Variants in CENPW observed in about 807,000 individuals in gnomAD.
CENPW encodes the protein centromere protein W.
A neutral mutation model predicts 11.1 loss-of-function variants in CENPW; 3 were observed. The ratio of observed to expected loss-of-function variants is 0.27; its 90% CI spans 0.12 to 0.70. The LOEUF is 0.70. Among genes scored for constraint, CENPW ranks in the 30% least tolerant of loss-of-function variants. The pLI is 0.77. For missense variants in CENPW, 100 were observed against 105.6 expected, an observed-to-expected ratio of 0.95 and a Z score of 0.23; for synonymous variants, 38 against 42.0, an observed-to-expected ratio of 0.91 and a Z score of 0.37.
At chr6:126,409,836 T>C in the CENPW span, among the ~76,000 whole-genome samples, 1 of 151,906 alleles carries the variant, frequency 6.6e-6, no homozygotes, top group Admixed American at 6.6e-5. Context: ...AAGTAGCATA[T>C]AGTTGGGTCA....
the CENPW span, among the ~76,000 whole-genome samples, chr6:126,374,464 G>GCA: frequency 6.6e-6 from 1 of 152,132 alleles, no homozygotes; most frequent in Non-Finnish European, 1.5e-5. Context: ...GACTAAACCA[G>GCA]CATGTTATTT....
intron 1 of CENPW, among the ~76,000 whole-genome samples, chr6:126,340,836 GGCCTCCCTTCTT>G (rs1043621661): frequency 2.0e-5 from 3 of 151,942 alleles, no homozygotes; most frequent in African/African-American, 7.3e-5. Flanking sequence ...GCCTTTTAAG[GGCCTCCCTTCTT>G]GCCTCCCTCC....
At chr6:126,355,584 C>G in the CENPW span, among the ~76,000 whole-genome samples, 2 of 151,990 alleles carry the variant, frequency 1.3e-5, no homozygotes, top group Non-Finnish European at 2.9e-5. Context: ...CTGTGTTATA[C>G]TGATATTTTA....
chr6:126,472,859 T>G, the CENPW span, among the ~76,000 whole-genome samples: 1 of 152,320 alleles, frequency 6.6e-6, no homozygotes, highest in East Asian at 1.9e-4. Flanking sequence ...CAATGTTATC[T>G]CTTCATGATT....
the CENPW span, among the ~76,000 whole-genome samples, chr6:126,414,268 A>G: frequency 6.6e-6 from 1 of 152,080 alleles, no homozygotes; most frequent in East Asian, 1.9e-4. Flanking sequence ...TAGAAACAAA[A>G]TCCACAATGA....
the CENPW span, among the ~76,000 whole-genome samples, chr6:126,472,004 A>G: frequency 6.6e-6 from 1 of 152,206 alleles, no homozygotes; most frequent in African/African-American, 2.4e-5. Flanking sequence ...TCATTTTAAA[A>G]TAACTATTAA....
At chr6:126,398,850 C>T in the CENPW span, among the ~76,000 whole-genome samples, 107 of 151,460 alleles carry the variant, frequency 7.1e-4, no homozygotes, top group African/African-American at 2.4e-3. Context: ...TGTCTATTGT[C>T]CCCATCTTTA....
the CENPW span, among the ~76,000 whole-genome samples, chr6:126,360,623 T>A: frequency 1.4e-4 from 21 of 152,222 alleles, no homozygotes; most frequent in African/African-American, 4.1e-4. Context: ...TTAATTTTTT[T>A]AAAAATTATT....
the CENPW span, among the ~76,000 whole-genome samples, chr6:126,363,579 ACT>A: frequency 2.0e-5 from 3 of 151,960 alleles, no homozygotes; most frequent in South Asian, 6.2e-4. Context: ...ACTACCCATG[ACT>A]CTGTTATGTT....
At chr6:126,409,529 A>G in the CENPW span, among the ~76,000 whole-genome samples, 1 of 152,050 alleles carries the variant, frequency 6.6e-6, no homozygotes, top group Non-Finnish European at 1.5e-5. Flanking sequence ...GTATCAAACT[A>G]CTAATGGAGA....
chr6:126,479,144 A>C, the CENPW span, among the ~76,000 whole-genome samples: 1 of 151,978 alleles, frequency 6.6e-6, no homozygotes, highest in African/African-American at 2.4e-5. Context: ...CTAGGGAACT[A>C]TAGTCTGTTC....
the CENPW span, among the ~76,000 whole-genome samples, chr6:126,419,107 A>T: frequency 6.6e-6 from 1 of 152,172 alleles, no homozygotes; most frequent in South Asian, 2.1e-4. Flanking sequence ...TTTTAAAAAG[A>T]TAATCAAATT....
At chr6:126,386,450 A>G in the CENPW span, among the ~76,000 whole-genome samples, 1 of 152,078 alleles carries the variant, frequency 6.6e-6, no homozygotes, top group Non-Finnish European at 1.5e-5. Context: ...GCCCAGTACT[A>G]TTTAACTATA....
chr6:126,389,468 G>A, the CENPW span, among the ~76,000 whole-genome samples: 1 of 151,846 alleles, frequency 6.6e-6, no homozygotes, highest in Non-Finnish European at 1.5e-5. Flanking sequence ...CTAGAGAGAA[G>A]AATCCTTTTC....
At chr6:126,340,471 T>G in intron 1 of CENPW, 72 bp downstream of exon 1, 1 of 1,609,588 alleles carries the variant, frequency 6.2e-7, no homozygotes, top group Middle Eastern at 1.8e-4. Context: ...TAAGCCTTTG[T>G]TTTTCCGCCC....
the CENPW span, among the ~76,000 whole-genome samples, chr6:126,383,647 A>G: frequency 6.6e-6 from 1 of 152,144 alleles, no homozygotes; most frequent in Non-Finnish European, 1.5e-5. Flanking sequence ...GACAAAACAT[A>G]CCGTAAACCA....
At chr6:126,361,561 C>T in the CENPW span, among the ~76,000 whole-genome samples, 1 of 152,212 alleles carries the variant, frequency 6.6e-6, no homozygotes, top group Non-Finnish European at 1.5e-5. Flanking sequence ...TCCCAAAGTG[C>T]TGGGATTTCA....
chr6:126,465,490 A>T, the CENPW span, among the ~76,000 whole-genome samples: 1 of 152,140 alleles, frequency 6.6e-6, no homozygotes, highest in East Asian at 1.9e-4. Flanking sequence ...ATCAAAATCA[A>T]GCTGGCATTT....
chr6:126,436,544 T>C, the CENPW span, among the ~76,000 whole-genome samples: 63 of 151,950 alleles, frequency 4.1e-4, no homozygotes, highest in Non-Finnish European at 8.5e-4. Flanking sequence ...GGAAATCTAT[T>C]TTAAATACTT....
Sources: gnomAD v4.1 joint callset for allele counts (sites outside exome capture counted in the v4.1 genomes callset) on GRCh38, gnomAD v4.1.1 for gene constraint, MANE v1.5 for transcripts, NCBI Gene and HGNC (gene_info 2026-07-23, HGNC 2026-07-21) for gene names.